The following KLHDC4 variants were observed in gnomAD, a reference collection of about 807,000 sequenced individuals.
KLHDC4 encodes kelch domain containing 4, also known as kelch domain-containing protein 4.
A neutral mutation model predicts 62.4 loss-of-function variants in KLHDC4; 90 were observed. That is an observed-to-expected ratio of 1.44 (90% confidence interval 1.22 to 1.72). The LOEUF is 1.72. Ranked by LOEUF, KLHDC4 falls within the 40% of genes most tolerant of loss-of-function variation. KLHDC4 has a pLI of 0.00. For missense variants in KLHDC4, 1,025 were observed against 699.7 expected (o/e 1.47, Z -5.25); for synonymous variants, 386 against 284.4 (o/e 1.36, Z -3.59).
chr16:87,740,489 G>A (rs1014046303), intron 5 of KLHDC4: 1 of 152,204 alleles, frequency 6.6e-6, no homozygotes, highest in Non-Finnish European at 1.5e-5. Context: ...GGGCAACAGG[G>A]CCTCTCTCCC....
In KLHDC4 at chr16:87,714,436, G is replaced by C. The variant is rs527636683; in HGVS notation, c.835+62C>G. On this transcript the variant is annotated intron_variant, in intron 8 of 11. Coordinates refer to ENST00000270583, the MANE Select transcript of KLHDC4 (RefSeq NM_017566.4). ...AGCCCCACATCCATGGGAGGGTGTG[G>C]GCTCTGCCTCCCGCCACACACAGAC... The C allele has an allele frequency of 1.7e-5, 27 of 1,604,734 alleles. No individual in the cohort carries two copies. The East Asian group carries it at 4.9e-4, about 29-fold the overall frequency.
chr16:87,765,476 T>C, intron 1 of KLHDC4: 1 of 499,026 alleles, frequency 2.0e-6, no homozygotes, highest in South Asian at 1.7e-5. Context: ...CCAGCCTCCC[T>C]TCAGAGGGAG....
intron 1 of KLHDC4, among the ~76,000 whole-genome samples, chr16:87,764,061 A>T (rs1028971385): frequency 1.4e-4 from 21 of 152,194 alleles, no homozygotes; most frequent in African/African-American, 5.1e-4. Flanking sequence ...GTTCTGTGGG[A>T]GCAGAATTCC....
chr16:87,721,843 C>T (rs1262398982), intron 7 of KLHDC4, among the ~76,000 whole-genome samples: 2 of 152,178 alleles, frequency 1.3e-5, no homozygotes, highest in African/African-American at 4.8e-5. Context: ...GAGGTCAAAA[C>T]GCAGGCAGGA....
Position 87,765,979 on chromosome 16 carries a change from C to A in KLHDC4, c.-89G>T. The A allele has an allele frequency of 7.5e-7, 1 of 1,331,838 alleles. No homozygotes were observed. Among genetic ancestry groups the A allele is most frequent in the South Asian group, 1.3e-5 (1 of 78,504 alleles). The allele number at this position is 1,331,838 out of a possible 1,614,324, so 82.5% of individuals were successfully genotyped here. ...AAACAGGTGCTCGTGGGGCGGAGCT[C>A]GGCGCACAGAAATGGAGTCACTTCC... On this transcript the variant is annotated 5_prime_UTR_variant, in exon 1 of 12. Transcript: ENST00000270583.
intron 6 of KLHDC4, among the ~76,000 whole-genome samples, 179 bp downstream of exon 6, chr16:87,730,373 G>C (rs774570060): frequency 2.6e-5 from 4 of 152,234 alleles, no homozygotes; most frequent in East Asian, 1.9e-4. Flanking sequence ...CATGAAGCCA[G>C]TGTGAGGCCC....
chr16:87,700,527 T>TGGAGGGAGGAGGGAGGAGAGAGGGG, exon 1 of KLHDC4: 1 of 50,256 alleles, frequency 2.0e-5, no homozygotes, highest in Non-Finnish European at 4.2e-5. Context: ...GGAAAGAGGG[T>TGGAGGGAGGAGGGAGGAGAGAGGGG]GGAGGGAGGA....
At chr16:87,745,785 G>A (rs1013166078) in intron 5 of KLHDC4, among the ~76,000 whole-genome samples, 3 of 152,190 alleles carry the variant, frequency 2.0e-5, no homozygotes, top group African/African-American at 7.2e-5. Context: ...ACTACAGGGT[G>A]GGAGAGAATG....
chr16:87,752,543 G>C (rs2044177975), intron 4 of KLHDC4, among the ~76,000 whole-genome samples: 1 of 151,954 alleles, frequency 6.6e-6, no homozygotes, highest in South Asian at 2.1e-4. Flanking sequence ...CACCATGTTG[G>C]CCAGGATGGT....
intron 8 of KLHDC4, 70 bp from the exon 9 acceptor site, chr16:87,711,513 C>T: frequency 1.5e-6 from 2 of 1,360,592 alleles, no homozygotes; most frequent in Non-Finnish European, 2.0e-6. Flanking sequence ...CCAGGACACG[C>T]TCAGGACCCC....
At chr16:87,734,283 G>A (rs1411966838) in intron 5 of KLHDC4, among the ~76,000 whole-genome samples, 1 of 152,098 alleles carries the variant, frequency 6.6e-6, no homozygotes, top group Non-Finnish European at 1.5e-5. Context: ...GGTGGGAGCT[G>A]CAGTGAGCCG....
chr16:87,745,659 C>T (rs1356490182), intron 5 of KLHDC4, among the ~76,000 whole-genome samples: 2 of 152,188 alleles, frequency 1.3e-5, no homozygotes, highest in South Asian at 2.1e-4. Context: ...AGCGTTCACT[C>T]GCACTGAAGG....
At chr16:87,720,891 G>A (rs1472678703) in intron 7 of KLHDC4, among the ~76,000 whole-genome samples, 12 of 152,300 alleles carry the variant, frequency 7.9e-5, no homozygotes, top group South Asian at 4.1e-4. Flanking sequence ...GGTCCCCACC[G>A]TGCCTGCCTC....
intron 1 of KLHDC4, 167 bp from the exon 2 acceptor site, chr16:87,762,207 G>A (rs1045301561): frequency 1.6e-5 from 23 of 1,394,572 alleles, no homozygotes; most frequent in Non-Finnish European, 2.1e-5. Flanking sequence ...ACATTCGAAA[G>A]TAACCAGAGC....
At chr16:87,702,206 C>G (rs1334977497) in exon 1 of KLHDC4, 2 of 456,370 alleles carry the variant, frequency 4.4e-6, no homozygotes, top group Non-Finnish European at 8.8e-6. Flanking sequence ...AGGGCTGCCT[C>G]CCCTGACCAT....
intron 7 of KLHDC4, among the ~76,000 whole-genome samples, chr16:87,719,933 C>T (rs74755665): frequency 0.019 from 2,960 of 152,296 alleles, 98 homozygotes; most frequent in African/African-American, 0.068. Context: ...CAAGTCCCAA[C>T]GGGCCCCCAC....
chr16:87,711,285 G>C lies in KLHDC4; in HGVS notation c.994C>G (p.Leu332Val). The change falls in exon 9 of 12, where the codon CTG becomes GTG. Residue 332 changes from leucine to valine, a missense_variant. By Grantham distance (32) the Leu-to-Val change is conservative (BLOSUM62 1). Coordinates refer to ENST00000270583, the MANE Select transcript of KLHDC4 (RefSeq NM_017566.4). ...TTCCTGGTGGCGTCGTAGAAGTACA[G>C]ATCGTTGAAGAACTCGCCCGACAGG... Reference protein sequence around the residue: ...ESLSGEFFNDLYFYDATRNRW... With the variant: ...ESLSGEFFNDVYFYDATRNRW... 5 of 1,614,172 alleles carry C rather than the reference G, an allele frequency of 3.1e-6. No homozygotes were observed. Among genetic ancestry groups the C allele is most frequent in the Non-Finnish European group, 4.2e-6 (5 of 1,180,042 alleles).
chr16:87,751,485 A>C (rs2043932489), intron 4 of KLHDC4, among the ~76,000 whole-genome samples: 1 of 44,484 alleles, frequency 2.2e-5, no homozygotes, highest in Non-Finnish European at 4.4e-5. Context: ...AAAAAAAAAG[A>C]AAAAAAAAAT....
chr16:87,741,836 C>T (rs1027055392), intron 5 of KLHDC4, among the ~76,000 whole-genome samples: 1 of 152,178 alleles, frequency 6.6e-6, no homozygotes, highest in Admixed American at 6.5e-5. Flanking sequence ...TTCACATCCT[C>T]GGCTGAAAAA....
Sources: gnomAD v4.1 joint callset for allele counts (sites outside exome capture counted in the v4.1 genomes callset) on GRCh38, gnomAD v4.1.1 for gene constraint, MANE v1.5 for transcripts, NCBI Gene and HGNC (gene_info 2026-07-23, HGNC 2026-07-21) for gene names.